Variants in NOTCH2NLR observed in about 807,000 individuals in gnomAD.
The protein encoded by NOTCH2NLR is notch 2 N-terminal like R, also known as notch 2 N-terminal like R (pseudogene).
Under a neutral mutation model 35.6 loss-of-function variants are expected in NOTCH2NLR, and 33 were observed. The observed-to-expected ratio is 0.93, with a 90% CI of 0.70 to 1.24. The LOEUF is 1.24. NOTCH2NLR is among the 50% of genes most tolerant of loss of function. The probability of loss-of-function intolerance (pLI) is 0.00; values close to 1 mark genes in which losing one functional copy is unlikely to be tolerated. For missense variants in NOTCH2NLR, 276 were observed against 362.2 expected (o/e 0.76, Z 1.93); for synonymous variants, 103 against 141.0 (o/e 0.73, Z 1.91).
rs1369284772 is a variant in NOTCH2NLR at position 120,767,898 on chromosome 1, TTGTC to T, written c.155+4192_155+4195del. On this transcript the variant is annotated intron_variant, in intron 2 of 4. Coordinates refer to ENST00000624419, the Ensembl canonical transcript of NOTCH2NLR. ...CATTTATTGTAGTTATTTAAAATCT[TTGTC>T]TGCTGGTTCTTAACAACTGGGTTGT... is the stretch of plus-strand genomic sequence containing the variant. Among the ~76,000 whole-genome samples the T allele has an allele frequency of 1.7e-5, 2 of 116,668 alleles. 1 individual carries two copies. The highest frequency in any genetic ancestry group is 3.3e-5 in the Non-Finnish European group (2 of 60,966). The allele number at this position is 116,668 out of a possible 152,430, so 76.5% of individuals were successfully genotyped here.
chr1:120,766,569 G>C lies in NOTCH2NLR; in HGVS notation c.155+2860G>C. ...GGAGGCTGAGGCAGGAGAATGGCCT[G>C]AACCCAGGAGGCGGAGCTTGCAGTG... is the stretch of plus-strand genomic sequence containing the variant. On this transcript the variant is annotated intron_variant, in intron 2 of 4. Transcript: ENST00000624419. 1.1e-4 allele frequency among the ~76,000 whole-genome samples: 2 copies of C among 18,354 alleles called. 1 individual carries two copies. The highest frequency in any genetic ancestry group is 1.8e-4 in the Non-Finnish European group (2 of 11,264). 12.0% of individuals were successfully genotyped at this position (18,354 alleles called of 152,430 possible).
intron 2 of NOTCH2NLR, among the ~76,000 whole-genome samples, chr1:120,765,985 T>TG (rs1329250722): frequency 7.3e-5 from 1 of 13,700 alleles, no homozygotes; most frequent in Non-Finnish European, 1.2e-4. Flanking sequence ...TGTCAGGGGG[T>TG]GGGGGGAAAG....
In NOTCH2NLR at chr1:120,791,365, C is replaced by T. The variant is rs1456056309; in HGVS notation, c.416-1796C>T. On this transcript the variant is annotated intron_variant, in intron 3 of 4. Transcript: ENST00000624419. Reference sequence around the variant, plus strand: ...ATGCACACGTATGTTTATTGCGGCACTATTCACAATAGCAAAGAGTTGGAA... The same window carrying T: ...ATGCACACGTATGTTTATTGCGGCATTATTCACAATAGCAAAGAGTTGGAA... Among the ~76,000 whole-genome samples the T allele has an allele frequency of 5.7e-5, 6 of 105,472 alleles. 1 individual carries two copies. Among genetic ancestry groups the T allele is most frequent in the Non-Finnish European group, 1.0e-4 (6 of 57,192 alleles). 69.2% of individuals were successfully genotyped at this position (105,472 alleles called of 152,430 possible).
chr1:120,784,616 C>A (rs1484086406), intron 2 of NOTCH2NLR, among the ~76,000 whole-genome samples: 1 of 118,440 alleles, frequency 8.4e-6, no homozygotes, highest in Non-Finnish European at 1.6e-5. Context: ...TCTTTGCTCA[C>A]CCCACACCCT....
intron 1 of NOTCH2NLR, among the ~76,000 whole-genome samples, chr1:120,756,431 G>T (rs1651080764): frequency 8.5e-6 from 1 of 117,810 alleles, no homozygotes; most frequent in Non-Finnish European, 1.6e-5. Context: ...GCCTCAGACA[G>T]TCAAGACGTT....
rs1241113636 is a variant in NOTCH2NLR, at chr1:120,754,783, C to T, written c.74-8845C>T. Among the ~76,000 whole-genome samples the T allele has an allele frequency of 3.4e-4, 39 of 115,570 alleles. 12 individuals carry two copies. The highest frequency in any genetic ancestry group is 1.8e-3 in the African/African-American group (36 of 19,812). The allele number at this position is 115,570 out of a possible 152,430, so 75.8% of individuals were successfully genotyped here. ...CTTCAAACAAATGGTAAGAAAGGAACTTTCAAAACTGTTTCAGTTTTGCAA... is the reference window on the plus strand; with the variant it reads ...CTTCAAACAAATGGTAAGAAAGGAATTTTCAAAACTGTTTCAGTTTTGCAA... On this transcript the variant is annotated intron_variant, in intron 1 of 4. Transcript: ENST00000624419.
At chr1:120,763,806 T>C in intron 2 of NOTCH2NLR, 97 bp downstream of exon 2, 1 of 577,450 alleles carries the variant, frequency 1.7e-6, no homozygotes, top group African/African-American at 4.4e-5. Context: ...GGAATGTTAC[T>C]GGTTCTTGAG....
At chr1:120,777,950 G>T (rs2101437916) in intron 2 of NOTCH2NLR, among the ~76,000 whole-genome samples, 1 of 89,604 alleles carries the variant, frequency 1.1e-5, no homozygotes, top group Non-Finnish European at 2.0e-5. Context: ...CAGCCTAGAA[G>T]TTTAGACTTG....
At position 120,750,306 on chromosome 1, in the gene NOTCH2NLR, C is replaced by T. The variant is rs1651009069; in HGVS notation, c.74-13322C>T. ...TGTTGTTGTGGGGATCAAACGAGAT[C>T]ACTGTTTATGAGCAGCCTTCTCAGG... On this transcript the variant is annotated intron_variant, in intron 1 of 4. Coordinates refer to ENST00000624419, the Ensembl canonical transcript of NOTCH2NLR. 6.6e-5 allele frequency among the ~76,000 whole-genome samples: 2 copies of T among 30,132 alleles called. 1 individual carries two copies. Among genetic ancestry groups the T allele is most frequent in the Non-Finnish European group, 1.2e-4 (2 of 16,984 alleles). The allele number at this position is 30,132 out of a possible 152,430, so 19.8% of individuals were successfully genotyped here. A position where few individuals can be genotyped will look rare whatever the true frequency, so the allele number is the denominator to read the frequency against.
Position 120,724,041 on chromosome 1 carries a change from C to A in NOTCH2NLR, c.-137C>A, listed in dbSNP as rs1436695092. ...TTTGCACCTGGGCTTCGGAGCGTAG[C>A]GCCAGGGCCTGAGCCTTTGAAGCAG... On this transcript the variant is annotated 5_prime_UTR_variant, in exon 1 of 5. Transcript: ENST00000624419. The A allele has an allele frequency of 4.0e-6, 5 of 1,255,858 alleles. 1 individual carries two copies. The South Asian group carries it at 5.0e-5, about 12-fold the overall frequency. 77.8% of individuals were successfully genotyped at this position (1,255,858 alleles called of 1,614,324 possible).
chr1:120,794,432 C>T (rs1365732195), downstream of NOTCH2NLR, among the ~76,000 whole-genome samples: 4 of 115,166 alleles, frequency 3.5e-5, no homozygotes, highest in Non-Finnish European at 6.6e-5. Flanking sequence ...ATCCTTAGTA[C>T]AAAAACAAAA....
intron 3 of NOTCH2NLR, 30 bp from the exon 4 acceptor site, chr1:120,793,131 C>T (rs1312493104): frequency 1.0e-6 from 1 of 979,016 alleles, no homozygotes; most frequent in Non-Finnish European, 1.5e-6. Context: ...TTTCTGTGGC[C>T]AGTACTGAGT....
In NOTCH2NLR at chr1:120,756,048, A is replaced by C. The variant is rs1306867462; in HGVS notation, c.74-7580A>C. On this transcript the variant is annotated intron_variant, in intron 1 of 4. Coordinates refer to ENST00000624419, the Ensembl canonical transcript of NOTCH2NLR. ...ACCACTTGGGATTTGAAGCTTCCGC[A>C]CTTCTTCTGTTTGTTTGGATTTTTT... is the stretch of plus-strand genomic sequence containing the variant. Among the ~76,000 whole-genome samples, 326 of 111,086 alleles carry C rather than the reference A, an allele frequency of 2.9e-3. 69 individuals are homozygous for C. Among genetic ancestry groups the C allele is most frequent in the Middle Eastern group, 0.016 (4 of 254 alleles). 72.9% of individuals were successfully genotyped at this position (111,086 alleles called of 152,430 possible).
At chr1:120,789,965 T>C (rs1651465188) in intron 3 of NOTCH2NLR, among the ~76,000 whole-genome samples, 1 of 88,820 alleles carries the variant, frequency 1.1e-5, no homozygotes, top group Non-Finnish European at 2.0e-5. Flanking sequence ...TTCCTTGTTG[T>C]TAAGAAGGAT....
At chr1:120,777,607 T>A (rs1252723109) in intron 2 of NOTCH2NLR, among the ~76,000 whole-genome samples, 3 of 82,098 alleles carry the variant, frequency 3.7e-5, no homozygotes, top group Non-Finnish European at 2.1e-5. Context: ...TTTAAAGTTC[T>A]TTTTGTTTTT....
chr1:120,794,220 G>C (rs1374324372), downstream of NOTCH2NLR, among the ~76,000 whole-genome samples: 2 of 115,352 alleles, frequency 1.7e-5, 1 homozygote, highest in East Asian at 4.2e-4. Flanking sequence ...CCCAAAGATA[G>C]AAATAAAAAG....
chr1:120,752,519 A>AATATATATAT (rs1204399606), intron 1 of NOTCH2NLR, among the ~76,000 whole-genome samples: 44 of 14,648 alleles, frequency 3.0e-3, no homozygotes, highest in African/African-American at 0.012. Flanking sequence ...GAAGTTCAGG[A>AATATATATAT]ATATATATAT....
chr1:120,759,856 A>C (rs1213021075), intron 1 of NOTCH2NLR, among the ~76,000 whole-genome samples: 3 of 112,956 alleles, frequency 2.7e-5, no homozygotes, highest in Admixed American at 8.5e-5. Context: ...AGCAATTTTG[A>C]AATGTACAAT....
chr1:120,781,624 C>T (rs1448439762), intron 2 of NOTCH2NLR, among the ~76,000 whole-genome samples: 3 of 47,128 alleles, frequency 6.4e-5, no homozygotes, highest in Non-Finnish European at 1.0e-4. Flanking sequence ...AGTGCAGTGG[C>T]GCGATCTTGG....
Sources: allele counts gnomAD v4.1 joint callset (sites outside exome capture counted in the v4.1 genomes callset), GRCh38; gene constraint gnomAD v4.1.1; transcripts MANE v1.5; gene names NCBI Gene and HGNC (gene_info 2026-07-23, HGNC 2026-07-21).